The following LRRC53 variants were observed in gnomAD, a reference collection of about 807,000 sequenced individuals.
The protein encoded by LRRC53 is leucine rich repeat containing 53, also known as leucine-rich repeat-containing protein 53.
In LRRC53, 25 loss-of-function variants were observed where a neutral mutation model predicts 13.6. The ratio of observed to expected loss-of-function variants is 1.83; its 90% confidence interval spans 1.34 to 2.56. The LOEUF (loss-of-function observed/expected upper bound fraction) is 2.56. Ranked by LOEUF, LRRC53 falls within the 30% of genes most tolerant of loss-of-function variation. The probability of loss-of-function intolerance (pLI) is 0.00; values close to 1 mark genes in which losing one functional copy is unlikely to be tolerated. For synonymous variants in LRRC53, 204 were observed against 109.8 expected (o/e 1.86, Z -5.37); for missense variants, 527 against 275.8 (o/e 1.91, Z -6.45).
chr1:74,525,324 G>A, the LRRC53 span, among the ~76,000 whole-genome samples: 5 of 152,156 alleles, frequency 3.3e-5, no homozygotes, highest in Admixed American at 2.0e-4. Context: ...ACCTACATGT[G>A]TGATAAGTAT....
chr1:74,504,558 A>G (rs1231962606), intron 1 of LRRC53, among the ~76,000 whole-genome samples: 1 of 152,224 alleles, frequency 6.6e-6, no homozygotes, highest in African/African-American at 2.4e-5. Context: ...TATTCTGTTC[A>G]AAAGAGGAGG....
intron 1 of LRRC53, among the ~76,000 whole-genome samples, chr1:74,510,685 C>G (rs150257055): frequency 2.0e-5 from 3 of 152,236 alleles, no homozygotes; most frequent in East Asian, 3.9e-4. Context: ...TTGGGAAAGA[C>G]ATATATAGGA....
chr1:74,497,590 G>GCA (rs1223126339), intron 1 of LRRC53, among the ~76,000 whole-genome samples: 1 of 149,414 alleles, frequency 6.7e-6, no homozygotes, highest in African/African-American at 2.5e-5. Flanking sequence ...ACATACACAT[G>GCA]CACACACACA....
Position 74,498,745 on chromosome 1 carries a change from C to T in LRRC53, c.-27+13781G>A, listed in dbSNP as rs113951118. ...CCAGTCTTCCCCCCGACTATTAGCA[C>T]ACTAAATGTCAATATATTTCTTTTT... On this transcript the variant is annotated intron_variant, in intron 1 of 4. Transcript: ENST00000294635. 3.4e-3 allele frequency among the ~76,000 whole-genome samples: 516 copies of T among 152,150 alleles called. 5 individuals carry two copies. The highest frequency in any genetic ancestry group is 0.012 in the African/African-American group (495 of 41,494).
At chr1:74,483,849 C>T (rs1668619513) in intron 1 of LRRC53, among the ~76,000 whole-genome samples, 1 of 152,126 alleles carries the variant, frequency 6.6e-6, no homozygotes, top group South Asian at 2.1e-4. Context: ...CTGAGTCTTA[C>T]ATGATTACAA....
upstream of LRRC53, among the ~76,000 whole-genome samples, chr1:74,515,288 A>G (rs990829984): frequency 2.6e-5 from 4 of 152,208 alleles, no homozygotes; most frequent in African/African-American, 7.2e-5. Context: ...ATGTTAGGTC[A>G]GTGCCCTTCC....
rs1454256441 is a variant in LRRC53, at chr1:74,475,334, G to A, written c.1381C>T (p.Gln461Ter). 1 of 707,912 alleles carries A rather than the reference G, an allele frequency of 1.4e-6. No homozygotes were observed. Among genetic ancestry groups the A allele is most frequent in the African/African-American group, 1.8e-5 (1 of 56,450 alleles). 43.9% of individuals were successfully genotyped at this position (707,912 alleles called of 1,614,324 possible). Residue 461 changes from glutamine (Q) to a stop codon, truncating the protein, a stop_gained, in exon 4 of 5, where the codon CAG (glutamine) becomes TAG (stop). Coordinates refer to ENST00000294635, the MANE Select transcript of LRRC53 (RefSeq NM_001382280.1). LOFTEE classifies it low-confidence loss of function (END_TRUNC). ...ATATGGTGTTGCAGAGTTTGAGGCTGGACTTCTCCAGGCTCAAGATTCCAT... is the reference window on the plus strand; with the variant it reads ...ATATGGTGTTGCAGAGTTTGAGGCTAGACTTCTCCAGGCTCAAGATTCCAT... Reference protein sequence around the residue: ...KLWNLEPGEVQPQTLQHHIIR... With the variant: ...KLWNLEPGEV
Position 74,471,614 on chromosome 1 carries a change from G to T in LRRC53, c.2008C>A (p.Gln670Lys). The change falls in exon 5 of 5, where the codon CAA becomes AAA. Residue 670 changes from glutamine (Q) to lysine (K), a missense_variant. Transcript: ENST00000294635. ...TTTTTAACATCCAACTTAGTCAGTTGGTTACTTTGATTTTTCTGTCGTTTC... is the reference window on the plus strand; with the variant it reads ...TTTTTAACATCCAACTTAGTCAGTTTGTTACTTTGATTTTTCTGTCGTTTC... ...PWKRQKNQSN[Q>K]LTKLDVKKFS... is the part of the protein sequence containing the mutation. The T allele has an allele frequency of 2.5e-6, 1 of 400,652 alleles. No homozygotes were observed. Among genetic ancestry groups the T allele is most frequent in the Non-Finnish European group, 4.4e-6 (1 of 226,238 alleles). 24.8% of individuals were successfully genotyped at this position (400,652 alleles called of 1,614,324 possible).
chr1:74,531,484 G>A, the LRRC53 span, among the ~76,000 whole-genome samples: 1 of 152,164 alleles, frequency 6.6e-6, no homozygotes, highest in East Asian at 1.9e-4. Context: ...GGAAAGGTGG[G>A]CTGCATGGGA....
intron 1 of LRRC53, among the ~76,000 whole-genome samples, chr1:74,504,530 A>C (rs1669791701): frequency 6.6e-6 from 1 of 152,334 alleles, no homozygotes; most frequent in African/African-American, 2.4e-5. Context: ...AATGTAAAAG[A>C]AAGAACATCA....
upstream of LRRC53, among the ~76,000 whole-genome samples, chr1:74,516,357 A>G (rs1443405402): frequency 1.3e-5 from 2 of 152,212 alleles, no homozygotes; most frequent in African/African-American, 4.8e-5. Context: ...ATGAAAATAA[A>G]GGAAAAATAA....
chr1:74,504,087 T>A (rs1669770312), intron 1 of LRRC53, among the ~76,000 whole-genome samples: 1 of 152,120 alleles, frequency 6.6e-6, no homozygotes, highest in South Asian at 2.1e-4. Flanking sequence ...AGCACTATAG[T>A]GAAATATACA....
intron 1 of LRRC53, among the ~76,000 whole-genome samples, chr1:74,488,042 G>A (rs1290692065): frequency 6.6e-6 from 1 of 152,302 alleles, no homozygotes; most frequent in Admixed American, 6.5e-5. Context: ...GGAACCCAGA[G>A]GTCAGGCTAT....
At chr1:74,531,208 C>T in the LRRC53 span, among the ~76,000 whole-genome samples, 3 of 152,204 alleles carry the variant, frequency 2.0e-5, no homozygotes, top group African/African-American at 7.2e-5. Flanking sequence ...TGCTTTGGCA[C>T]TTGCCCATTC....
the LRRC53 span, among the ~76,000 whole-genome samples, chr1:74,521,015 C>T: frequency 1.0e-3 from 154 of 152,228 alleles, no homozygotes; most frequent in Non-Finnish European, 1.8e-3. Flanking sequence ...AGCACAGATC[C>T]ACCTTCTCTG....
chr1:74,528,173 C>T, the LRRC53 span, among the ~76,000 whole-genome samples: 3 of 152,132 alleles, frequency 2.0e-5, no homozygotes, highest in Non-Finnish European at 4.4e-5. Context: ...TGGTTCCATG[C>T]AGGCTAAGAA....
At chr1:74,478,830 C>T (rs1212762265) in intron 3 of LRRC53, among the ~76,000 whole-genome samples, 1 of 152,184 alleles carries the variant, frequency 6.6e-6, no homozygotes, top group Non-Finnish European at 1.5e-5. Flanking sequence ...TAAGGGAAAC[C>T]TCTCTGCTGC....
At chr1:74,499,585 CTCCAGTT>C (rs912773830) in intron 1 of LRRC53, among the ~76,000 whole-genome samples, 268 of 152,186 alleles carry the variant, frequency 1.8e-3, no homozygotes, top group African/African-American at 5.6e-3. Context: ...TCAGTAATAT[CTCCAGTT>C]TCAGGCATCC....
At chr1:74,510,788 C>T (rs11210468) in intron 1 of LRRC53, among the ~76,000 whole-genome samples, 22,969 of 152,254 alleles carry the variant, frequency 0.15, 4,338 homozygotes, top group African/African-American at 0.45. Flanking sequence ...GTTGATTTCC[C>T]TCTAGGTACA....
Sources: allele counts gnomAD v4.1 joint callset (sites outside exome capture counted in the v4.1 genomes callset), GRCh38; gene constraint gnomAD v4.1.1; transcripts MANE v1.5; gene names NCBI Gene and HGNC (gene_info 2026-07-23, HGNC 2026-07-21).